The following TEK variants were observed in gnomAD, a reference collection of about 807,000 sequenced individuals.
TEK encodes TEK receptor tyrosine kinase.
A neutral mutation model predicts 131.8 loss-of-function variants in TEK; 43 were observed. The observed-to-expected ratio is 0.33, with a 90% CI of 0.26 to 0.42. TEK has a LOEUF of 0.42. Among genes scored for constraint, TEK ranks in the 10% least tolerant of loss-of-function variants. The probability of loss-of-function intolerance (pLI) is 1.00; values close to 1 mark genes in which losing one functional copy is unlikely to be tolerated. For synonymous variants in TEK, 580 were observed against 491.6 expected (o/e 1.18, Z -2.38); for missense variants, 1,162 against 1,384.4 (o/e 0.84, Z 2.55).
intron 1 of TEK, among the ~76,000 whole-genome samples, chr9:27,142,699 C>T (rs1352541404): frequency 6.6e-6 from 1 of 152,206 alleles, no homozygotes; most frequent in African/African-American, 2.4e-5. Flanking sequence ...TATGGAGAAG[C>T]TACTGTGCCC....
intron 1 of TEK, among the ~76,000 whole-genome samples, chr9:27,123,978 A>G (rs573199566): frequency 6.6e-6 from 1 of 152,132 alleles, no homozygotes. Context: ...GGTTTCGCCA[A>G]GTTGGTCAGG....
chr9:27,190,439 A>G (rs1824775092), intron 9 of TEK, 90 bp from the exon 10 acceptor site: 3 of 1,504,758 alleles, frequency 2.0e-6, no homozygotes, highest in Admixed American at 3.5e-5. Flanking sequence ...ACTTTGTTGG[A>G]CATGTAAAAC....
At position 27,218,128 on chromosome 9, in the gene TEK, A is replaced by G. The variant is rs780512617; in HGVS notation, c.3062+370A>G. ...TGCTGGGGACAAAATAAGGCCAGAC[A>G]GTGGCGGGGGTCGTCTCTGCTTGCA... is the stretch of plus-strand genomic sequence containing the variant. On this transcript the variant is annotated intron_variant, in intron 19 of 22. Coordinates refer to ENST00000380036, the MANE Select transcript of TEK (RefSeq NM_000459.5). Among the ~76,000 whole-genome samples the G allele has an allele frequency of 1.0e-3, 31 of 30,812 alleles. 1 individual carries two copies. The highest frequency in any genetic ancestry group is 1.4e-3 in the Admixed American group (6 of 4,228). 20.2% of individuals were successfully genotyped at this position (30,812 alleles called of 152,430 possible). A position where few individuals can be genotyped will look rare whatever the true frequency, so the allele number is the denominator to read the frequency against.
intron 1 of TEK, among the ~76,000 whole-genome samples, chr9:27,137,242 C>G (rs1260162146): frequency 6.6e-6 from 1 of 152,072 alleles, no homozygotes; most frequent in Non-Finnish European, 1.5e-5. Context: ...GATAAAACTT[C>G]ACGGATATTT....
intron 18 of TEK, among the ~76,000 whole-genome samples, chr9:27,217,455 G>A (rs547911984): frequency 1.8e-4 from 27 of 152,230 alleles, no homozygotes; most frequent in Non-Finnish European, 8.8e-5. Flanking sequence ...ACTACCATGC[G>A]TGCACACTCA....
chr9:27,212,199 G>C (rs1434788865), intron 16 of TEK, among the ~76,000 whole-genome samples: 1 of 152,174 alleles, frequency 6.6e-6, no homozygotes, highest in African/African-American at 2.4e-5. Flanking sequence ...AGGAGGAGTA[G>C]AAGGCAGGAG....
intron 1 of TEK, among the ~76,000 whole-genome samples, chr9:27,125,274 G>A (rs567875237): frequency 6.6e-6 from 1 of 152,342 alleles, no homozygotes; most frequent in South Asian, 2.1e-4. Flanking sequence ...TAACTCTAGA[G>A]TATGGAAGCC....
rs1399762190 is a variant in TEK, at chr9:27,186,253, A to G, written c.1327+624A>G. On this transcript the variant is annotated intron_variant, in intron 9 of 22. Transcript: ENST00000380036. ...TGTAGATTTGTGGCTTGAGTGGAAG[A>G]ACTAAAATGGAGGTAAGTCCACGTT... is the stretch of plus-strand genomic sequence containing the variant. 2.0e-5 allele frequency among the ~76,000 whole-genome samples: 3 copies of G among 152,172 alleles called. No individual in the cohort carries two copies. In the East Asian group the frequency reaches 5.8e-4, roughly 29 times the overall value.
chr9:27,114,480 A>C (rs765222468), intron 1 of TEK, among the ~76,000 whole-genome samples: 4 of 152,180 alleles, frequency 2.6e-5, no homozygotes, highest in Non-Finnish European at 4.4e-5. Context: ...TTGAGGCAGG[A>C]AAATCTCTTA....
chr9:27,171,951 G>A (rs967821780), intron 4 of TEK, among the ~76,000 whole-genome samples: 1 of 152,088 alleles, frequency 6.6e-6, no homozygotes, highest in Non-Finnish European at 1.5e-5. Context: ...GTACTCAGAG[G>A]GTAAATGGGG....
At chr9:27,220,799 C>CCCTCTGGTG (rs1476108795) in intron 21 of TEK, among the ~76,000 whole-genome samples, 3 of 152,214 alleles carry the variant, frequency 2.0e-5, no homozygotes, top group Admixed American at 6.5e-5. Context: ...CCAGGAGATT[C>CCCTCTGGTG]CCTCTGGTGC....
chr9:27,192,353 A>G lies in TEK; in HGVS notation c.1490-136A>G. 3.1e-6 allele frequency: 3 copies of G among 952,644 alleles called. No homozygotes were observed. The South Asian group carries it at 4.0e-5, about 13-fold the overall frequency. 59.0% of individuals were successfully genotyped at this position (952,644 alleles called of 1,614,324 possible). On this transcript the variant is annotated intron_variant, in intron 10 of 22. Coordinates refer to ENST00000380036, the MANE Select transcript of TEK (RefSeq NM_000459.5). ...TATTGGGAAGGATGAGGCCTTGAAG[A>G]TGGAATTGCCTCTCTGTTTCACTAA... is the stretch of plus-strand genomic sequence containing the variant.
chr9:27,213,462 A>G (rs1248477201), intron 17 of TEK, 22 bp from the exon 18 acceptor site: 3 of 1,581,674 alleles, frequency 1.9e-6, no homozygotes, highest in African/African-American at 1.3e-5. Context: ...CTGAAAATAC[A>G]TAATGTTTTC....
intron 16 of TEK, among the ~76,000 whole-genome samples, chr9:27,209,855 T>A (rs1825537644): frequency 6.6e-6 from 1 of 152,232 alleles, no homozygotes; most frequent in Non-Finnish European, 1.5e-5. Flanking sequence ...GTAATGCATG[T>A]AATTACTGGT....
intron 1 of TEK, among the ~76,000 whole-genome samples, chr9:27,147,924 C>T (rs10967737): frequency 7.2e-5 from 11 of 152,188 alleles, no homozygotes; most frequent in African/African-American, 2.7e-4. Context: ...ACCTAAATTT[C>T]AGTCTCAGCT....
At chr9:27,215,065 T>C (rs1255773089) in intron 18 of TEK, among the ~76,000 whole-genome samples, 1 of 152,172 alleles carries the variant, frequency 6.6e-6, no homozygotes, top group African/African-American at 2.4e-5. Flanking sequence ...GGGATGTGGG[T>C]ACCCTGGGTG....
At chr9:27,194,675 C>G (rs1824944055) in intron 11 of TEK, among the ~76,000 whole-genome samples, 1 of 152,192 alleles carries the variant, frequency 6.6e-6, no homozygotes, top group Admixed American at 6.5e-5. Flanking sequence ...CCACACTGTA[C>G]TGTCTTCAGC....
At chr9:27,188,023 G>A (rs954803717) in intron 9 of TEK, among the ~76,000 whole-genome samples, 2 of 152,084 alleles carry the variant, frequency 1.3e-5, no homozygotes, top group Admixed American at 6.6e-5. Flanking sequence ...ATCATGCAGA[G>A]GAATGTTAAA....
chr9:27,184,479 G>A (rs944058912), intron 8 of TEK, among the ~76,000 whole-genome samples: 1 of 152,140 alleles, frequency 6.6e-6, no homozygotes, highest in Non-Finnish European at 1.5e-5. Context: ...CCTTCTGAGG[G>A]AGGAATATGT....
Sources: gnomAD v4.1 joint callset for allele counts (sites outside exome capture counted in the v4.1 genomes callset) on GRCh38, gnomAD v4.1.1 for gene constraint, MANE v1.5 for transcripts, NCBI Gene and HGNC (gene_info 2026-07-23, HGNC 2026-07-21) for gene names.